ANKRD44: variants seen among roughly 807,000 people sequenced by gnomAD.
ANKRD44 encodes the protein ankyrin repeat domain 44, also known as serine/threonine-protein phosphatase 6 regulatory ankyrin repeat subunit B.
A neutral mutation model predicts 116.0 loss-of-function variants in ANKRD44; 35 were observed. That is an observed-to-expected ratio of 0.30 (90% CI 0.23 to 0.40). The LOEUF (loss-of-function observed/expected upper bound fraction) is 0.40. Ranked by LOEUF, ANKRD44 falls within the 10% of genes least tolerant of loss-of-function variation. ANKRD44 has a pLI of 1.00. For synonymous variants in ANKRD44, 435 were observed against 461.8 expected (o/e 0.94, Z 0.74); for missense variants, 1,014 against 1,242.6 (o/e 0.82, Z 2.77).
rs568664306 is a variant in ANKRD44 at position 197,265,879 on chromosome 2, T to G, written c.27+44699A>C. 7.9e-5 allele frequency among the ~76,000 whole-genome samples: 12 copies of G among 152,286 alleles called. No individual in the cohort carries two copies. In the South Asian group the frequency reaches 2.5e-3, roughly 32 times the overall value. On this transcript the variant is annotated intron_variant, in intron 1 of 27. Coordinates refer to ENST00000282272, the MANE Select transcript of ANKRD44 (RefSeq NM_001195144.2). ...TTTATTAGCAGTATGACATAAGAGT[T>G]CTAATCCGAAAAACCTATGTTTTCA...
intron 1 of ANKRD44, among the ~76,000 whole-genome samples, chr2:197,306,281 G>A (rs6744072): frequency 0.093 from 14,076 of 152,104 alleles, 1,418 homozygotes; most frequent in African/African-American, 0.25. Flanking sequence ...CAATCAGACT[G>A]CCAGGGTAGG....
At chr2:197,270,759 T>C (rs897288076) in intron 1 of ANKRD44, among the ~76,000 whole-genome samples, 3 of 152,142 alleles carry the variant, frequency 2.0e-5, no homozygotes. Flanking sequence ...GGAGCCAATA[T>C]GGCAGAAAGT....
At chr2:197,280,708 A>G (rs570962972) in intron 1 of ANKRD44, among the ~76,000 whole-genome samples, 84 of 152,328 alleles carry the variant, frequency 5.5e-4, no homozygotes, top group African/African-American at 2.0e-3. Flanking sequence ...GTAAAAGCCC[A>G]TCAAAGAGTA....
intron 1 of ANKRD44, among the ~76,000 whole-genome samples, chr2:197,228,896 A>T (rs1206492878): frequency 6.6e-6 from 1 of 152,188 alleles, no homozygotes; most frequent in African/African-American, 2.4e-5. Flanking sequence ...TTAGCTAGGC[A>T]TGGTGGTGCA....
intron 1 of ANKRD44, among the ~76,000 whole-genome samples, chr2:197,259,238 T>C (rs1007311309): frequency 6.6e-6 from 1 of 152,198 alleles, no homozygotes; most frequent in Non-Finnish European, 1.5e-5. Flanking sequence ...ATTTGGGCCA[T>C]TGAGTCCAGC....
At chr2:197,179,190 T>C (rs1316952391) in intron 2 of ANKRD44, among the ~76,000 whole-genome samples, 1 of 152,260 alleles carries the variant, frequency 6.6e-6, no homozygotes, top group Non-Finnish European at 1.5e-5. Context: ...CATACTGTTT[T>C]GATTGCTATC....
rs1264251480 is a variant in ANKRD44 at position 197,212,297 on chromosome 2, G to C, written c.28-25191C>G. Reference sequence around the variant, plus strand: ...AACTGGCTTTTATGAGCCAGTAAGTGTGTGAGCTTAGATCATGGATAATTT... The same window carrying C: ...AACTGGCTTTTATGAGCCAGTAAGTCTGTGAGCTTAGATCATGGATAATTT... On this transcript the variant is annotated intron_variant, in intron 1 of 27. Transcript: ENST00000282272. The surrounding 1 kb of genome is among the most constrained non-coding windows in gnomAD (Gnocchi z 4.8). 6.6e-6 allele frequency among the ~76,000 whole-genome samples: 1 copy of C among 152,180 alleles called. No homozygotes were observed. The highest frequency in any genetic ancestry group is 2.4e-5 in the African/African-American group (1 of 41,442).
At chr2:197,143,844 G>T (rs913145709) in intron 3 of ANKRD44, among the ~76,000 whole-genome samples, 1 of 152,116 alleles carries the variant, frequency 6.6e-6, no homozygotes, top group Non-Finnish European at 1.5e-5. Flanking sequence ...GGCCAGGCTG[G>T]TCTTGAACTC....
intron 9 of ANKRD44, among the ~76,000 whole-genome samples, chr2:197,100,919 T>A (rs2078278376): frequency 6.6e-6 from 1 of 152,158 alleles, no homozygotes; most frequent in African/African-American, 2.4e-5. Flanking sequence ...ATACAATTGG[T>A]CTATTCATTC....
chr2:197,238,529 T>A (rs1574335981), intron 1 of ANKRD44, among the ~76,000 whole-genome samples: 1 of 152,172 alleles, frequency 6.6e-6, no homozygotes, highest in East Asian at 1.9e-4. Flanking sequence ...AAGGGTAGCA[T>A]AATACCATAG....
chr2:197,198,087 A>G (rs2081001427), intron 1 of ANKRD44: 1 of 152,202 alleles, frequency 6.6e-6, no homozygotes, highest in Non-Finnish European at 1.5e-5. Context: ...GACGGATGGA[A>G]TGGTAAGGGA....
rs774946301 is a variant in ANKRD44, at chr2:197,008,936, G to A, written c.2012+8C>T. The A allele has an allele frequency of 9.9e-6, 16 of 1,613,362 alleles. No individual in the cohort carries two copies. Among genetic ancestry groups the A allele is most frequent in the East Asian group, 2.2e-5 (1 of 44,886 alleles). On this transcript the variant is annotated splice_region_variant and intron_variant, in intron 19 of 27. Coordinates refer to ENST00000282272, the MANE Select transcript of ANKRD44 (RefSeq NM_001195144.2). ...TGTCAACCCAAGGCCACGTGTGAGC[G>A]CACTTACTGTCCTTTGGCATCTTTC...
chr2:197,035,827 C>T (rs1295584629), intron 16 of ANKRD44, among the ~76,000 whole-genome samples: 1 of 152,084 alleles, frequency 6.6e-6, no homozygotes, highest in Non-Finnish European at 1.5e-5. Flanking sequence ...AGTTCCAGAC[C>T]ACCCAGGCCG....
chr2:197,305,675 G>A (rs190703481), intron 1 of ANKRD44, among the ~76,000 whole-genome samples: 26 of 152,162 alleles, frequency 1.7e-4, no homozygotes, highest in African/African-American at 6.3e-4. Flanking sequence ...GAGCTTATGT[G>A]CTGGCGTTGG....
chr2:197,083,304 A>G (rs2125144797), intron 14 of ANKRD44, 65 bp downstream of exon 14: 5 of 1,522,120 alleles, frequency 3.3e-6, no homozygotes, highest in Middle Eastern at 2.4e-4. Flanking sequence ...AAGAAAACTT[A>G]GCAATCCTTC....
intron 1 of ANKRD44, among the ~76,000 whole-genome samples, chr2:197,269,417 T>C (rs1340622119): frequency 2.6e-5 from 4 of 152,178 alleles, no homozygotes; most frequent in African/African-American, 9.7e-5. Flanking sequence ...GGAGCAAAGA[T>C]GGCCAAGATC....
intron 21 of ANKRD44, among the ~76,000 whole-genome samples, chr2:196,970,156 G>A (rs1455461096): frequency 6.6e-6 from 1 of 152,126 alleles, no homozygotes; most frequent in Admixed American, 6.6e-5. Context: ...GAGGAGAATG[G>A]GCACATCTCC....
chr2:197,310,672 G>A lies in ANKRD44; in HGVS notation c.-68C>T. ...CGCAGATGTCACGCCGGGAGCCGGG[G>A]AAGCGGAAGGGATTGCCAGGAGAAG... On this transcript the variant is annotated 5_prime_UTR_variant, in exon 1 of 28. Transcript: ENST00000282272. The A allele has an allele frequency of 1.5e-6, 2 of 1,301,928 alleles. No individual in the cohort carries two copies. The highest frequency in any genetic ancestry group is 1.5e-5 in the South Asian group (1 of 66,148). The allele number at this position is 1,301,928 out of a possible 1,614,324, so 80.6% of individuals were successfully genotyped here.
chr2:197,275,183 C>T (rs1380809425), intron 1 of ANKRD44, among the ~76,000 whole-genome samples: 1 of 151,736 alleles, frequency 6.6e-6, no homozygotes, highest in African/African-American at 2.4e-5. Flanking sequence ...GGTGTAATCA[C>T]AGCTCATTGC....
Sources: allele counts gnomAD v4.1 joint callset (sites outside exome capture counted in the v4.1 genomes callset), GRCh38; gene constraint gnomAD v4.1.1; non-coding constraint Gnocchi (gnomAD v3.1); transcripts MANE v1.5; gene names NCBI Gene and HGNC (gene_info 2026-07-23, HGNC 2026-07-21).